IFNLR1: variants seen among roughly 807,000 people sequenced by gnomAD.
The protein encoded by IFNLR1 is CRF2-12.
IFNLR1 carries 28 observed loss-of-function variants against 52.5 expected under a neutral mutation model. The ratio of observed to expected loss-of-function variants is 0.53; its 90% CI spans 0.40 to 0.73. The LOEUF (loss-of-function observed/expected upper bound fraction) is 0.73. Among genes scored for constraint, IFNLR1 ranks in the 30% least tolerant of loss-of-function variants. The pLI is 0.00. For synonymous variants in IFNLR1, 276 were observed against 274.9 expected (o/e 1.00, Z -0.04); for missense variants, 623 against 659.1 (o/e 0.95, Z 0.60).
rs1294427440 is a variant in IFNLR1 at position 24,157,792 on chromosome 1, C to A, written c.901G>T (p.Gly301Trp). The change falls in exon 7 of 7, where the codon GGG becomes TGG. Residue 301 changes from glycine to tryptophan, a missense_variant. Gly to Trp is a radical substitution (Grantham distance 184). Transcript: ENST00000327535. The surrounding 1 kb of genome is among the most constrained non-coding windows in gnomAD (Gnocchi z 5.1). ...FLCPQKELTRGVRPTPRVRAP... is the reference protein window; with the variant it reads ...FLCPQKELTRWVRPTPRVRAP... Reference sequence around the variant, plus strand: ...CTGACTCGAGGCGTCGGCCTGACCCCTCTGGTCAGTTCCTTTTGGGGACAG... The same window carrying A: ...CTGACTCGAGGCGTCGGCCTGACCCATCTGGTCAGTTCCTTTTGGGGACAG... 2.5e-6 allele frequency: 4 copies of A among 1,614,082 alleles called. No individual in the cohort carries two copies. Among genetic ancestry groups the A allele is most frequent in the Non-Finnish European group, 3.4e-6 (4 of 1,180,040 alleles).
chr1:24,182,989 T>C (rs182159571), intron 1 of IFNLR1, among the ~76,000 whole-genome samples: 1 of 152,240 alleles, frequency 6.6e-6, no homozygotes, highest in East Asian at 1.9e-4. Context: ...TTTCTGTTGG[T>C]TTAAGAAAAT....
chr1:24,178,400 T>A (rs76594730), intron 2 of IFNLR1, among the ~76,000 whole-genome samples: 1 of 152,276 alleles, frequency 6.6e-6, no homozygotes, highest in African/African-American at 2.4e-5. Context: ...ATGCAGATTA[T>A]AGTCTTTATA....
intron 6 of IFNLR1, among the ~76,000 whole-genome samples, chr1:24,158,459 T>G (rs1009821047): frequency 2.0e-5 from 3 of 152,230 alleles, no homozygotes; most frequent in Admixed American, 6.5e-5. Context: ...TTTGCCACCC[T>G]GCCACGATGC....
intron 2 of IFNLR1, among the ~76,000 whole-genome samples, chr1:24,174,576 G>A (rs193027379): frequency 5.3e-5 from 8 of 152,338 alleles, no homozygotes; most frequent in Non-Finnish European, 1.0e-4. Context: ...TTATAAAGTG[G>A]CAAAGAACTG....
chr1:24,181,688 C>T (rs1644691987), intron 1 of IFNLR1, among the ~76,000 whole-genome samples: 1 of 152,180 alleles, frequency 6.6e-6, no homozygotes, highest in Non-Finnish European at 1.5e-5. Flanking sequence ...TGAATTTGCA[C>T]CTTCCATCTC....
intron 2 of IFNLR1, among the ~76,000 whole-genome samples, chr1:24,175,939 A>G (rs1644628010): frequency 6.6e-6 from 1 of 151,376 alleles, no homozygotes. Context: ...TGTTTCAAAA[A>G]AAAAAAAAAA....
rs2148583205 is a variant in IFNLR1, at chr1:24,156,601, C to G, written c.*529G>C. 6.5e-6 allele frequency: 1 copy of G among 154,030 alleles called. No homozygotes were observed. Among genetic ancestry groups the G allele is most frequent in the Admixed American group, 6.5e-5 (1 of 15,408 alleles). 9.5% of individuals were successfully genotyped at this position (154,030 alleles called of 1,614,324 possible). On this transcript the variant is annotated 3_prime_UTR_variant, in exon 7 of 7. Coordinates refer to ENST00000327535, the MANE Select transcript of IFNLR1 (RefSeq NM_170743.4). Reference sequence around the variant, plus strand: ...TTTGAGGACAGCCACCCTTCCCTTCCCATCCAAAACCCTCAGCCAACTGGA... The same window carrying G: ...TTTGAGGACAGCCACCCTTCCCTTCGCATCCAAAACCCTCAGCCAACTGGA...
At chr1:24,160,820 T>C (rs1029438009) in intron 4 of IFNLR1, among the ~76,000 whole-genome samples, 6 of 152,112 alleles carry the variant, frequency 3.9e-5, no homozygotes, top group Middle Eastern at 3.4e-3. Context: ...CCTTGCTTCC[T>C]GGGCTCGAGC....
chr1:24,156,893 C>T lies in IFNLR1; in HGVS notation c.*237G>A, dbSNP rs938834057. 2 of 561,700 alleles carry T rather than the reference C, an allele frequency of 3.6e-6. No individual in the cohort carries two copies. Among genetic ancestry groups the T allele is most frequent in the Non-Finnish European group, 6.3e-6 (2 of 318,956 alleles). The allele number at this position is 561,700 out of a possible 1,614,324, so 34.8% of individuals were successfully genotyped here. On this transcript the variant is annotated 3_prime_UTR_variant, in exon 7 of 7. Coordinates refer to ENST00000327535, the MANE Select transcript of IFNLR1 (RefSeq NM_170743.4). ...ATGACACCCCACCAACCTCTGACCTCAGCCCACCCTGTGTCCACCCCTCTT... is the reference window on the plus strand; with the variant it reads ...ATGACACCCCACCAACCTCTGACCTTAGCCCACCCTGTGTCCACCCCTCTT...
chr1:24,180,688 C>T, intron 2 of IFNLR1, 43 bp downstream of exon 2: 2 of 1,368,412 alleles, frequency 1.5e-6, no homozygotes, highest in Non-Finnish European at 2.0e-6. Flanking sequence ...CCCCACCCAC[C>T]CCCTCAGTCT....
intron 3 of IFNLR1, among the ~76,000 whole-genome samples, chr1:24,168,534 T>G (rs1168417378): frequency 6.6e-6 from 1 of 151,798 alleles, no homozygotes; most frequent in Non-Finnish European, 1.5e-5. Context: ...CTTCTGTGAG[T>G]CTCAGGTTGA....
chr1:24,165,451 C>T (rs1644509807), intron 3 of IFNLR1, among the ~76,000 whole-genome samples: 1 of 152,192 alleles, frequency 6.6e-6, no homozygotes, highest in South Asian at 2.1e-4. Context: ...GGGGATTTAG[C>T]TTTTCTCTAA....
chr1:24,186,652 G>A (rs539516766), intron 1 of IFNLR1, among the ~76,000 whole-genome samples: 2 of 151,610 alleles, frequency 1.3e-5, no homozygotes, highest in East Asian at 3.9e-4. Context: ...TTACTCATCA[G>A]TAGAGGTGGG....
chr1:24,182,611 G>A (rs752182937), intron 1 of IFNLR1, among the ~76,000 whole-genome samples: 2 of 151,978 alleles, frequency 1.3e-5, no homozygotes, highest in Non-Finnish European at 2.9e-5. Flanking sequence ...TTTCATATTG[G>A]ACTCCATAGT....
chr1:24,158,466 A>G (rs1043712600), intron 6 of IFNLR1, among the ~76,000 whole-genome samples: 1 of 152,184 alleles, frequency 6.6e-6, no homozygotes, highest in African/African-American at 2.4e-5. Flanking sequence ...CCCTGCCACG[A>G]TGCAGGGACA....
rs1323158162 is a variant in IFNLR1, at chr1:24,162,857, T to C, written c.368-1173A>G. On this transcript the variant is annotated intron_variant, in intron 3 of 6. Coordinates refer to ENST00000327535, the MANE Select transcript of IFNLR1 (RefSeq NM_170743.4). The stretch of plus-strand genomic sequence containing the variant: ...TTTCTTTCTTTCTTTCTTTCTTTCT[T>C]TCTTTCTTTCTTTCTTTCTTTCCTT... Among the ~76,000 whole-genome samples, 27 of 81,764 alleles carry C rather than the reference T, an allele frequency of 3.3e-4. 1 individual carries two copies. Among genetic ancestry groups the C allele is most frequent in the Non-Finnish European group, 4.8e-4 (20 of 41,998 alleles). The allele number at this position is 81,764 out of a possible 152,430, so 53.6% of individuals were successfully genotyped here.
chr1:24,154,403 A>C lies in IFNLR1; in HGVS notation c.*2727T>G, dbSNP rs1446133505. 6.6e-6 allele frequency: 1 copy of C among 152,224 alleles called. No individual in the cohort carries two copies. Among genetic ancestry groups the C allele is most frequent in the African/African-American group, 2.4e-5 (1 of 41,458 alleles). 9.4% of individuals were successfully genotyped at this position (152,224 alleles called of 1,614,324 possible). ...GCCCAGCCCACACCGCGCAGTTCCC[A>C]CCTGCTGTGCACGTGAAAGGGCTTT... On this transcript the variant is annotated 3_prime_UTR_variant, in exon 7 of 7. Coordinates refer to ENST00000327535, the MANE Select transcript of IFNLR1 (RefSeq NM_170743.4).
intron 3 of IFNLR1, among the ~76,000 whole-genome samples, chr1:24,164,764 T>C (rs1039696582): frequency 2.2e-4 from 33 of 150,608 alleles, no homozygotes; most frequent in Middle Eastern, 3.4e-3. Flanking sequence ...AATCTCTTTT[T>C]TTTTTTTTTT....
intron 1 of IFNLR1, among the ~76,000 whole-genome samples, chr1:24,184,790 A>G: frequency 6.6e-6 from 1 of 152,124 alleles, no homozygotes; most frequent in East Asian, 1.9e-4. Flanking sequence ...AGGCAGAGGT[A>G]GGCAAATCAC....
Sources: gnomAD v4.1 joint callset for allele counts (sites outside exome capture counted in the v4.1 genomes callset) on GRCh38, gnomAD v4.1.1 for gene constraint, Gnocchi (gnomAD v3.1) non-coding constraint, MANE v1.5 for transcripts, NCBI Gene and HGNC (gene_info 2026-07-23, HGNC 2026-07-21) for gene names.